The following IMMP2L variants were observed in gnomAD, a reference collection of about 807,000 sequenced individuals.
IMMP2L encodes the protein inner mitochondrial membrane peptidase subunit 2.
A neutral mutation model predicts 19.3 loss-of-function variants in IMMP2L; 18 were observed. That is an observed-to-expected ratio of 0.93 (90% CI 0.64 to 1.38). IMMP2L has a LOEUF of 1.38. Among genes scored for constraint, IMMP2L ranks in the 40% most tolerant of loss-of-function variants. The pLI, the probability that IMMP2L is intolerant of heterozygous loss-of-function variation, is 0.00. For missense variants in IMMP2L, 233 were observed against 218.2 expected, an observed-to-expected ratio of 1.07 and a Z score of -0.43; for synonymous variants, 76 against 73.0, an observed-to-expected ratio of 1.04 and a Z score of -0.21.
At chr7:111,445,899 C>T (rs554903145) in intron 3 of IMMP2L, among the ~76,000 whole-genome samples, 46 of 151,946 alleles carry the variant, frequency 3.0e-4, no homozygotes, top group Non-Finnish European at 4.7e-4. Context: ...ACCTGGGAAG[C>T]GCAAGGGGTC....
At chr7:110,687,720 C>A (rs1458042023) in intron 5 of IMMP2L, among the ~76,000 whole-genome samples, 2 of 152,080 alleles carry the variant, frequency 1.3e-5, no homozygotes, top group African/African-American at 4.8e-5. Flanking sequence ...GTAAATAATT[C>A]TACTTATTTC....
chr7:110,865,943 T>G (rs898618032), intron 5 of IMMP2L, among the ~76,000 whole-genome samples: 2 of 151,976 alleles, frequency 1.3e-5, no homozygotes, highest in African/African-American at 4.8e-5. Context: ...TCTCTAGGCA[T>G]GTCAAAGTAC....
rs183425143 is a variant in IMMP2L, at chr7:111,482,865, C to A, written c.239+4373G>T. Among the ~76,000 whole-genome samples, 54 of 152,014 alleles carry A rather than the reference C, an allele frequency of 3.6e-4. 1 individual carries two copies. Among genetic ancestry groups the A allele is most frequent in the African/African-American group, 1.3e-3 (53 of 41,438 alleles). Reference sequence around the variant, plus strand: ...ATTAAAGAGGCTGAGCAGCATTCTGCAAAATAACTGGACAGTACCCTTCAA... The same window carrying A: ...ATTAAAGAGGCTGAGCAGCATTCTGAAAAATAACTGGACAGTACCCTTCAA... On this transcript the variant is annotated intron_variant, in intron 3 of 5. Transcript: ENST00000405709.
intron 3 of IMMP2L, among the ~76,000 whole-genome samples, chr7:111,396,431 A>G (rs1395784761): frequency 6.6e-6 from 1 of 152,132 alleles, no homozygotes; most frequent in African/African-American, 2.4e-5. Context: ...GTTCTCACTC[A>G]TAAGTGGCAG....
intron 4 of IMMP2L, among the ~76,000 whole-genome samples, chr7:110,901,294 T>C (rs901655608): frequency 6.6e-6 from 1 of 152,182 alleles, no homozygotes; most frequent in South Asian, 2.1e-4. Context: ...GTATTTTCAA[T>C]ACATATTCAA....
intron 3 of IMMP2L, among the ~76,000 whole-genome samples, chr7:111,212,051 T>C (rs1465231014): frequency 1.3e-5 from 2 of 152,092 alleles, no homozygotes; most frequent in East Asian, 1.9e-4. Context: ...TCTCTTTCTA[T>C]ACTATAAACG....
intron 3 of IMMP2L, among the ~76,000 whole-genome samples, chr7:111,362,590 A>G (rs1005917454): frequency 6.6e-6 from 1 of 152,124 alleles, no homozygotes; most frequent in Non-Finnish European, 1.5e-5. Context: ...CACATAGCTT[A>G]TTAAAAATAT....
intron 1 of IMMP2L, among the ~76,000 whole-genome samples, chr7:111,543,169 T>C (rs559165148): frequency 1.3e-5 from 2 of 152,198 alleles, no homozygotes; most frequent in Non-Finnish European, 2.9e-5. Context: ...TGTAATACTT[T>C]CGGCAAATAT....
intron 4 of IMMP2L, among the ~76,000 whole-genome samples, chr7:110,901,894 T>G (rs1047522863): frequency 2.6e-5 from 4 of 152,098 alleles, no homozygotes; most frequent in Non-Finnish European, 5.9e-5. Flanking sequence ...GTACAGATAT[T>G]TGGCAGAATT....
At chr7:111,053,344 T>C (rs1415432286) in intron 3 of IMMP2L, among the ~76,000 whole-genome samples, 1 of 152,132 alleles carries the variant, frequency 6.6e-6, no homozygotes, top group Admixed American at 6.5e-5. Context: ...GTGCAGTGTG[T>C]TTACTAGAGT....
chr7:111,492,853 C>T (rs1054684400), intron 2 of IMMP2L, among the ~76,000 whole-genome samples: 3 of 152,062 alleles, frequency 2.0e-5, no homozygotes, highest in African/African-American at 7.2e-5. Context: ...CCTTTTCTTT[C>T]CTCCACAAGT....
At chr7:111,415,324 C>G (rs1157164754) in intron 3 of IMMP2L, among the ~76,000 whole-genome samples, 1 of 151,732 alleles carries the variant, frequency 6.6e-6, no homozygotes, top group African/African-American at 2.4e-5. Context: ...GAAAAAGGAT[C>G]CTATGAGATC....
intron 3 of IMMP2L, among the ~76,000 whole-genome samples, chr7:111,258,313 GA>G (rs1316884505): frequency 6.6e-6 from 1 of 151,458 alleles, no homozygotes; most frequent in African/African-American, 2.4e-5. Context: ...TACTTGAGAA[GA>G]AAAAAAGGTG....
chr7:110,688,264 G>C (rs1793254638), intron 5 of IMMP2L, among the ~76,000 whole-genome samples: 1 of 151,902 alleles, frequency 6.6e-6, no homozygotes, highest in Non-Finnish European at 1.5e-5. Flanking sequence ...CACTAAGTTT[G>C]GTGTAGCTTG....
chr7:110,972,297 T>A (rs1035550182), intron 3 of IMMP2L, among the ~76,000 whole-genome samples: 3 of 152,132 alleles, frequency 2.0e-5, no homozygotes, highest in African/African-American at 7.2e-5. Context: ...TGCTACATTA[T>A]CAGAAAGTTT....
At chr7:111,546,972 T>G (rs140471607) in intron 1 of IMMP2L, among the ~76,000 whole-genome samples, 1 of 152,136 alleles carries the variant, frequency 6.6e-6, no homozygotes, top group Admixed American at 6.6e-5. Flanking sequence ...ATGCTAATGT[T>G]GTAGTGAAAA....
intron 2 of IMMP2L, among the ~76,000 whole-genome samples, chr7:111,499,879 G>A (rs113251887): frequency 0.02 from 3,051 of 152,214 alleles, 103 homozygotes; most frequent in African/African-American, 0.069. Flanking sequence ...CAGAATGAGC[G>A]ACGCAGAAGA....
At chr7:110,868,013 G>A (rs1808156155) in intron 5 of IMMP2L, among the ~76,000 whole-genome samples, 1 of 151,900 alleles carries the variant, frequency 6.6e-6, no homozygotes, top group African/African-American at 2.4e-5. Flanking sequence ...CAACAAAACA[G>A]CAATTAACTG....
intron 3 of IMMP2L, among the ~76,000 whole-genome samples, chr7:111,083,437 T>A (rs1340358548): frequency 6.6e-6 from 1 of 152,208 alleles, no homozygotes; most frequent in Non-Finnish European, 1.5e-5. Flanking sequence ...GTTAGTCTTC[T>A]ACCATGAATA....
Sources: gnomAD v4.1 joint callset for allele counts (sites outside exome capture counted in the v4.1 genomes callset) on GRCh38, gnomAD v4.1.1 for gene constraint, MANE v1.5 for transcripts, NCBI Gene and HGNC (gene_info 2026-07-23, HGNC 2026-07-21) for gene names.